The following CGNL1 variants were observed in gnomAD, a reference collection of about 807,000 sequenced individuals.
The protein encoded by CGNL1 is cingulin like 1.
A neutral mutation model predicts 141.2 loss-of-function variants in CGNL1; 132 were observed. The observed-to-expected ratio is 0.93, with a 90% CI of 0.81 to 1.08. CGNL1 has a LOEUF of 1.08. Ranked by LOEUF, CGNL1 falls within the 50% of genes least tolerant of loss-of-function variation. The pLI is 0.00. For missense variants in CGNL1, 1,870 were observed against 1,588.6 expected (o/e 1.18, Z -3.01); for synonymous variants, 690 against 622.1 (o/e 1.11, Z -1.63).
At chr15:57,513,668 C>T (rs1333839500) in intron 8 of CGNL1, among the ~76,000 whole-genome samples, 1 of 151,970 alleles carries the variant, frequency 6.6e-6, no homozygotes, top group Non-Finnish European at 1.5e-5. Flanking sequence ...TTACAGGCAC[C>T]TGCTACCATG....
chr15:57,433,039 A>G (rs536080851), intron 1 of CGNL1, among the ~76,000 whole-genome samples: 66 of 150,674 alleles, frequency 4.4e-4, no homozygotes, highest in African/African-American at 1.5e-3. Context: ...CAGTGTCAGC[A>G]TAAGAACTGA....
chr15:57,380,538 T>G (rs1306591803), intron 1 of CGNL1, among the ~76,000 whole-genome samples: 1 of 152,160 alleles, frequency 6.6e-6, no homozygotes, highest in Non-Finnish European at 1.5e-5. Context: ...GGTAGATGCC[T>G]CCTCAATTCA....
chr15:57,506,736 C>T (rs1339263680), intron 8 of CGNL1, among the ~76,000 whole-genome samples: 1 of 152,158 alleles, frequency 6.6e-6, no homozygotes, highest in African/African-American at 2.4e-5. Context: ...GTTGTCTACC[C>T]AACCTTAATG....
intron 1 of CGNL1, among the ~76,000 whole-genome samples, chr15:57,410,408 AC>A (rs1216723466): frequency 6.6e-6 from 1 of 152,044 alleles, no homozygotes; most frequent in Non-Finnish European, 1.5e-5. Flanking sequence ...TGTATTTCCT[AC>A]CCTTGGCCTT....
At chr15:57,432,448 C>T (rs960448634) in intron 1 of CGNL1, among the ~76,000 whole-genome samples, 1 of 152,226 alleles carries the variant, frequency 6.6e-6, no homozygotes, top group Non-Finnish European at 1.5e-5. Context: ...CAAACACACT[C>T]GCTGATCTCG....
At chr15:57,545,966 C>A in intron 17 of CGNL1, 110 bp from the exon 18 acceptor site, 1 of 1,226,576 alleles carries the variant, frequency 8.2e-7, no homozygotes, top group Non-Finnish European at 1.1e-6. Flanking sequence ...CTGGCTGCCC[C>A]ATTGCCCATG....
rs556186236 is a variant in CGNL1 at position 57,435,089 on chromosome 15, T to C, written c.-15-2896T>C. On this transcript the variant is annotated intron_variant, in intron 1 of 18. Coordinates refer to ENST00000281282, the MANE Select transcript of CGNL1 (RefSeq NM_032866.5). ...AAGCATCTCACAGATGTAATGTAGT[T>C]GAGGGAAAGATTTAAGGATAGGTGT... is the stretch of plus-strand genomic sequence containing the variant. Among the ~76,000 whole-genome samples, 8 of 152,228 alleles carry C rather than the reference T, an allele frequency of 5.3e-5. No individual in the cohort carries two copies. The East Asian group carries it at 1.5e-3, about 29-fold the overall frequency.
At chr15:57,458,873 C>T (rs186984144) in intron 7 of CGNL1, among the ~76,000 whole-genome samples, 2 of 152,336 alleles carry the variant, frequency 1.3e-5, no homozygotes, top group East Asian at 1.9e-4. Context: ...GGTCTCTTGA[C>T]ATTTCTTCTG....
intron 1 of CGNL1, among the ~76,000 whole-genome samples, chr15:57,377,401 C>T (rs2062376617): frequency 6.6e-6 from 1 of 152,072 alleles, no homozygotes; most frequent in Non-Finnish European, 1.5e-5. Context: ...GATCTGGATT[C>T]GGCTTGCCTG....
intron 4 of CGNL1, among the ~76,000 whole-genome samples, chr15:57,444,991 G>T (rs1413462721): frequency 6.6e-6 from 1 of 152,188 alleles, no homozygotes; most frequent in Non-Finnish European, 1.5e-5. Context: ...TCTAGGTGTG[G>T]TCCCTCACAC....
At position 57,524,631 on chromosome 15, in the gene CGNL1, C is replaced by G. The variant is rs1444195496; in HGVS notation, c.2919C>G (p.Asn973Lys). 1.2e-6 allele frequency: 2 copies of G among 1,613,998 alleles called. No individual in the cohort carries two copies. The highest frequency in any genetic ancestry group is 1.7e-5 in the Admixed American group (1 of 60,000). ...GTACCTCAACCCTGGAGCTCCAGAA[C>G]CAGCTGGATGAGTATAAGGAGAAAA... ...ASRTSTLELQNQLDEYKEKNR... is the reference protein window; with the variant it reads ...ASRTSTLELQKQLDEYKEKNR... The change falls in exon 12 of 19, where the codon AAC becomes AAG. Residue 973 changes from asparagine to lysine, a missense_variant. Transcript: ENST00000281282.
At chr15:57,405,194 G>C (rs1295605422) in intron 1 of CGNL1, 1 of 152,214 alleles carries the variant, frequency 6.6e-6, no homozygotes, top group Non-Finnish European at 1.5e-5. Context: ...ACTTTCTAAA[G>C]TGTAAGGTGC....
rs1157272504 is a variant in CGNL1, at chr15:57,547,745, A to G, written c.*255A>G. On this transcript the variant is annotated 3_prime_UTR_variant, in exon 19 of 19. Transcript: ENST00000281282. The stretch of plus-strand genomic sequence containing the variant: ...CCCACTGGGGTGTTGTGAGAGATAC[A>G]CTTTGGTAGGCTGAGGCCCCTGTTC... The G allele has an allele frequency of 4.5e-6, 2 of 443,626 alleles. No homozygotes were observed. Among genetic ancestry groups the G allele is most frequent in the Admixed American group, 4.1e-5 (1 of 24,482 alleles). 27.5% of individuals were successfully genotyped at this position (443,626 alleles called of 1,614,324 possible). A position where few individuals can be genotyped will look rare whatever the true frequency, so the allele number is the denominator to read the frequency against.
Position 57,470,256 on chromosome 15 carries a change from C to CTTTTTTTTTTT in CGNL1, c.2403+8369_2403+8379dup, listed in dbSNP as rs60982599. 2.2e-3 allele frequency among the ~76,000 whole-genome samples: 252 copies of CTTTTTTTTTTT among 113,894 alleles called. 4 individuals carry two copies. Among genetic ancestry groups the CTTTTTTTTTTT allele is most frequent in the African/African-American group, 4.4e-3 (127 of 28,850 alleles). 74.7% of individuals were successfully genotyped at this position (113,894 alleles called of 152,430 possible). A position where few individuals can be genotyped will look rare whatever the true frequency, so the allele number is the denominator to read the frequency against. ...AAAAGATCTCTTTTTTTTTGTCTCT[C>CTTTTTTTTTTT]TTTTTTTTTTTTTTTGCCTGCCCCA... On this transcript the variant is annotated intron_variant, in intron 8 of 18. Transcript: ENST00000281282.
chr15:57,406,211 G>A (rs1216876726), intron 1 of CGNL1: 1 of 152,638 alleles, frequency 6.6e-6, no homozygotes, highest in East Asian at 1.9e-4. Context: ...AGCAACAGGA[G>A]GGTGAGACCT....
chr15:57,489,720 T>G (rs2063832442), intron 8 of CGNL1, among the ~76,000 whole-genome samples: 1 of 152,214 alleles, frequency 6.6e-6, no homozygotes, highest in South Asian at 2.1e-4. Flanking sequence ...TAAGTTTTAT[T>G]TTCCAGGCTC....
At chr15:57,431,748 C>T (rs954614983) in intron 1 of CGNL1, among the ~76,000 whole-genome samples, 1 of 151,772 alleles carries the variant, frequency 6.6e-6, no homozygotes, top group African/African-American at 2.4e-5. Flanking sequence ...TTTTTTAAAC[C>T]TCATCAGCTA....
At chr15:57,464,123 A>G (rs1460982820) in intron 8 of CGNL1, among the ~76,000 whole-genome samples, 1 of 150,932 alleles carries the variant, frequency 6.6e-6, no homozygotes, top group Admixed American at 6.6e-5. Context: ...CTCTGGGGCC[A>G]GACAGGGAGC....
At chr15:57,403,030 C>G (rs544472551) in intron 1 of CGNL1, among the ~76,000 whole-genome samples, 61 of 152,314 alleles carry the variant, frequency 4.0e-4, no homozygotes, top group East Asian at 1.4e-3. Context: ...GGTGGTGGTT[C>G]AAATGATGTC....
Sources: allele counts gnomAD v4.1 joint callset (sites outside exome capture counted in the v4.1 genomes callset), GRCh38; gene constraint gnomAD v4.1.1; transcripts MANE v1.5; gene names NCBI Gene and HGNC (gene_info 2026-07-23, HGNC 2026-07-21).